GINM1: variants seen among roughly 807,000 people sequenced by gnomAD.
GINM1 encodes the protein glycosylated integral membrane protein 1.
GINM1 carries 29 observed loss-of-function variants against 37.8 expected under a neutral mutation model. The ratio of observed to expected loss-of-function variants is 0.77; its 90% CI spans 0.57 to 1.05. GINM1 has a LOEUF of 1.05. GINM1 is among the 50% of genes least tolerant of loss of function. The pLI is 0.00. For missense variants in GINM1, 377 were observed against 397.9 expected, an observed-to-expected ratio of 0.95 and a Z score of 0.45; for synonymous variants, 143 against 146.2, an observed-to-expected ratio of 0.98 and a Z score of 0.16.
intron 7 of GINM1, among the ~76,000 whole-genome samples, chr6:149,590,488 A>G (rs903861116): frequency 1.3e-5 from 2 of 152,128 alleles, no homozygotes; most frequent in Middle Eastern, 6.3e-3. Flanking sequence ...TACTTACCCT[A>G]TTCTTCCCTA....
At chr6:149,574,075 GT>G (rs1431934715) in intron 3 of GINM1, among the ~76,000 whole-genome samples, 3 of 139,078 alleles carry the variant, frequency 2.2e-5, no homozygotes, top group African/African-American at 5.4e-5. Flanking sequence ...TTGAGATGGA[GT>G]TTTTGCTCTT....
chr6:149,572,260 A>G (rs372681349), intron 1 of GINM1, 25 bp from the exon 2 acceptor site: 128 of 1,492,416 alleles, frequency 8.6e-5, no homozygotes, highest in Non-Finnish European at 1.1e-4. Context: ...CACACCTTCC[A>G]ATTTACACAA....
chr6:149,580,897 G>T, intron 6 of GINM1, 174 bp downstream of exon 6: 1 of 559,256 alleles, frequency 1.8e-6, no homozygotes, highest in Non-Finnish European at 3.2e-6. Context: ...TCCTCTTCGA[G>T]CTTTGTTTAA....
chr6:149,572,668 G>GT (rs1395552645), intron 3 of GINM1, 65 bp downstream of exon 3: 34 of 1,050,272 alleles, frequency 3.2e-5, no homozygotes, highest in Non-Finnish European at 4.5e-5. Context: ...TGTTGTTGTT[G>GT]TTGTTTGTTT....
Position 149,567,609 on chromosome 6 carries a change from C to G in GINM1, c.120+1075C>G, listed in dbSNP as rs1777741532. On this transcript the variant is annotated intron_variant, in intron 1 of 7. Coordinates refer to ENST00000367419, the MANE Select transcript of GINM1 (RefSeq NM_138785.5). ...TGAGCCGAGATCGTGCCACTGCATT[C>G]CAGCCTGGGTGAGGGAGCTCAAAAC... 2.0e-5 allele frequency among the ~76,000 whole-genome samples: 3 copies of G among 152,146 alleles called. No individual in the cohort carries two copies. The South Asian group carries it at 6.2e-4, about 32-fold the overall frequency.
chr6:149,574,114 G>A (rs1233953067), intron 3 of GINM1, among the ~76,000 whole-genome samples: 1 of 146,012 alleles, frequency 6.8e-6, no homozygotes, highest in African/African-American at 2.5e-5. Flanking sequence ...GCAGTGGCGC[G>A]ATCTCGGCTC....
At chr6:149,573,436 C>A (rs1777860488) in intron 3 of GINM1, among the ~76,000 whole-genome samples, 1 of 152,168 alleles carries the variant, frequency 6.6e-6, no homozygotes, top group South Asian at 2.1e-4. Context: ...CTCTAAAACA[C>A]ACACACAGAT....
intron 3 of GINM1, among the ~76,000 whole-genome samples, chr6:149,573,051 A>G (rs1777855108): frequency 6.6e-6 from 1 of 152,206 alleles, no homozygotes. Context: ...GGCTGGGTGC[A>G]GTGGCTCACG....
At chr6:149,587,117 A>G (rs988705456) in intron 7 of GINM1, among the ~76,000 whole-genome samples, 1 of 152,150 alleles carries the variant, frequency 6.6e-6, no homozygotes, top group Admixed American at 6.5e-5. Flanking sequence ...ATAATTATGT[A>G]TAGCTTACCT....
intron 1 of GINM1, among the ~76,000 whole-genome samples, chr6:149,567,693 C>T (rs1248230673): frequency 1.3e-5 from 2 of 152,236 alleles, no homozygotes; most frequent in South Asian, 2.1e-4. Flanking sequence ...AATGACATTA[C>T]CCCACGTGGG....
intron 7 of GINM1, among the ~76,000 whole-genome samples, chr6:149,586,494 T>A (rs1400483917): frequency 6.6e-6 from 1 of 152,160 alleles, no homozygotes; most frequent in East Asian, 1.9e-4. Flanking sequence ...TTTCCAAATC[T>A]AGCACCACCA....
At chr6:149,582,381 T>A in intron 6 of GINM1, 59 bp from the exon 7 acceptor site, 1 of 1,424,056 alleles carries the variant, frequency 7.0e-7, no homozygotes, top group Non-Finnish European at 9.7e-7. Context: ...TTAAAAAATT[T>A]AAAGTTTATT....
chr6:149,580,821 A>C (rs1777988926), intron 6 of GINM1, 98 bp downstream of exon 6: 1 of 1,042,664 alleles, frequency 9.6e-7, no homozygotes, highest in African/African-American at 1.6e-5. Context: ...GAAGAATGGA[A>C]CTGTAGAGCA....
At position 149,575,080 on chromosome 6, in the gene GINM1, C is replaced by A. The variant is rs115370755; in HGVS notation, c.277+2477C>A. On this transcript the variant is annotated intron_variant, in intron 3 of 7. Transcript: ENST00000367419. The stretch of plus-strand genomic sequence containing the variant: ...TCATGTGTGTTTACCATCATAGTTA[C>A]CTTTTTCATTGCTCTTTATTCCTTC... Among the ~76,000 whole-genome samples the A allele has an allele frequency of 1.7e-3, 261 of 152,222 alleles. 1 individual carries two copies. Among genetic ancestry groups the A allele is most frequent in the African/African-American group, 5.9e-3 (246 of 41,542 alleles).
At position 149,580,487 on chromosome 6, in the gene GINM1, G is replaced by T. The variant is rs1301247653; in HGVS notation, c.587-106G>T. On this transcript the variant is annotated intron_variant, in intron 5 of 7. Coordinates refer to ENST00000367419, the MANE Select transcript of GINM1 (RefSeq NM_138785.5). ...AGATGTGTTAATTTTTTCTCCCATGGTAAAATATGTGTTCTTACTATCCTA... is the reference window on the plus strand; with the variant it reads ...AGATGTGTTAATTTTTTCTCCCATGTTAAAATATGTGTTCTTACTATCCTA... The T allele has an allele frequency of 4.0e-6, 4 of 997,532 alleles. No homozygotes were observed. In the African/African-American group the frequency reaches 6.6e-5, roughly 16 times the overall value. The allele number at this position is 997,532 out of a possible 1,614,324, so 61.8% of individuals were successfully genotyped here.
intron 3 of GINM1, among the ~76,000 whole-genome samples, chr6:149,572,969 T>TCTTAATAATA (rs1386422614): frequency 6.6e-6 from 1 of 152,192 alleles, no homozygotes. Context: ...CCTGGCCTGT[T>TCTTAATAATA]CTGTTTTTAA....
chr6:149,582,632 G>T (rs367633693), intron 7 of GINM1, 29 bp downstream of exon 7: 39 of 1,428,398 alleles, frequency 2.7e-5, no homozygotes, highest in Non-Finnish European at 3.5e-5. Context: ...TGAAATGTTA[G>T]TATTTTTAAT....
intron 3 of GINM1, chr6:149,576,028 A>G (rs902420785): frequency 4.6e-5 from 7 of 152,230 alleles, no homozygotes; most frequent in Admixed American, 1.3e-4. Flanking sequence ...TTATTGCTGC[A>G]TAACAGTTTA....
At position 149,591,147 on chromosome 6, in the gene GINM1, C is replaced by T. The variant is rs1778149522; in HGVS notation, c.*309C>T. ...CTACTAAAAAAAATAAAAAAATTAG[C>T]TGGGTGTGGCGGTGCACGCCTGTAG... On this transcript the variant is annotated 3_prime_UTR_variant, in exon 8 of 8. Coordinates refer to ENST00000367419, the MANE Select transcript of GINM1 (RefSeq NM_138785.5). The T allele has an allele frequency of 5.2e-6, 1 of 190,814 alleles. No homozygotes were observed. The allele number at this position is 190,814 out of a possible 1,614,324, so 11.8% of individuals were successfully genotyped here. A position where few individuals can be genotyped will look rare whatever the true frequency, so the allele number is the denominator to read the frequency against.
Sources: gnomAD v4.1 joint callset for allele counts (sites outside exome capture counted in the v4.1 genomes callset) on GRCh38, gnomAD v4.1.1 for gene constraint, MANE v1.5 for transcripts, NCBI Gene and HGNC (gene_info 2026-07-23, HGNC 2026-07-21) for gene names.